Variants in COX7A2L observed in about 807,000 individuals in gnomAD.
COX7A2L encodes cytochrome c oxidase subunit 7A2-like, mitochondrial.
A neutral mutation model predicts 14.2 loss-of-function variants in COX7A2L; 18 were observed. The observed-to-expected ratio is 1.27, with a 90% CI of 0.88 to 1.88. The LOEUF (loss-of-function observed/expected upper bound fraction) is 1.88, where lower values mean the gene tolerates loss of function less well. Ranked by LOEUF, COX7A2L falls within the 40% of genes most tolerant of loss-of-function variation. The probability of loss-of-function intolerance (pLI) is 0.00; values close to 1 mark genes in which losing one functional copy is unlikely to be tolerated. For synonymous variants in COX7A2L, 65 were observed against 57.4 expected (o/e 1.13, Z -0.60); for missense variants, 179 against 138.8 (o/e 1.29, Z -1.46).
chr2:42,343,062 G>C (rs1423681057), intron 2 of COX7A2L, among the ~76,000 whole-genome samples: 3 of 152,256 alleles, frequency 2.0e-5, no homozygotes, highest in South Asian at 2.1e-4. Flanking sequence ...CACTGCTCTC[G>C]TTCACGTCAT....
At chr2:42,354,905 T>G (rs1320190395) in intron 1 of COX7A2L, among the ~76,000 whole-genome samples, 1 of 152,262 alleles carries the variant, frequency 6.6e-6, no homozygotes, top group Non-Finnish European at 1.5e-5. Context: ...ACATTTCACA[T>G]GCATTACTTC....
intron 2 of COX7A2L, among the ~76,000 whole-genome samples, chr2:42,344,234 C>T (rs1473202404): frequency 6.6e-6 from 1 of 152,130 alleles, no homozygotes; most frequent in Non-Finnish European, 1.5e-5. Flanking sequence ...CGGAATGTAA[C>T]CTCCACTGCA....
At chr2:42,354,195 C>T (rs1558632976) in intron 1 of COX7A2L, among the ~76,000 whole-genome samples, 1 of 152,050 alleles carries the variant, frequency 6.6e-6, no homozygotes, top group Non-Finnish European at 1.5e-5. Context: ...TGTGAATACA[C>T]TAAAAAACCC....
In COX7A2L at chr2:42,350,973, A is replaced by C; in HGVS notation, c.*246T>G. ...TGTTCAGCCTTCATCCAGAACCTCC[A>C]GGGAAATCAGGAGCACAAACACAGA... On this transcript the variant is annotated 3_prime_UTR_variant, in exon 3 of 3. Transcript: ENST00000234301. 2.8e-6 allele frequency: 1 copy of C among 355,998 alleles called. No homozygotes were observed. The highest frequency in any genetic ancestry group is 5.1e-6 in the Non-Finnish European group (1 of 197,666). The allele number at this position is 355,998 out of a possible 1,614,324, so 22.1% of individuals were successfully genotyped here. A position where few individuals can be genotyped will look rare whatever the true frequency, so the allele number is the denominator to read the frequency against.
At chr2:42,352,268 A>G (rs1267650790) in intron 2 of COX7A2L, among the ~76,000 whole-genome samples, 2 of 152,132 alleles carry the variant, frequency 1.3e-5, no homozygotes, top group East Asian at 1.9e-4. Flanking sequence ...ATCCTGGGCT[A>G]AAGTGATCCT....
upstream of COX7A2L, chr2:42,361,229 C>A (rs751560935): frequency 2.2e-4 from 323 of 1,453,172 alleles, no homozygotes; most frequent in Non-Finnish European, 2.5e-4. Flanking sequence ...CCCCGCCTCC[C>A]CGGCTGTGGT....
chr2:42,360,783 G>C (rs1308138016), intron 1 of COX7A2L, among the ~76,000 whole-genome samples: 1 of 152,124 alleles, frequency 6.6e-6, no homozygotes, highest in Non-Finnish European at 1.5e-5. Flanking sequence ...CCTCTGACTC[G>C]GGTCACACTG....
chr2:42,363,485 G>C (rs1220293556), upstream of COX7A2L, among the ~76,000 whole-genome samples: 2 of 152,148 alleles, frequency 1.3e-5, no homozygotes, highest in East Asian at 3.9e-4. Flanking sequence ...GTCAACACTG[G>C]TTATTTTCTT....
chr2:42,357,608 G>T (rs1186765679), intron 1 of COX7A2L, among the ~76,000 whole-genome samples: 1 of 151,956 alleles, frequency 6.6e-6, no homozygotes, highest in African/African-American at 2.4e-5. Context: ...CACCGCACCT[G>T]ACCTCTATTT....
chr2:42,353,275 G>A lies in COX7A2L; in HGVS notation c.141C>T (p.Ser47=), dbSNP rs767606983. ...CAGCATAATCATACACTGTGGAATC[G>A]GAGGTCAGTTTAGTTGGTGTGGCAA... The part of the protein sequence containing the change: ...IIFATPTKLT[S]DSTVYDYAGK... Residue 47 remains serine (S), a synonymous_variant, in exon 2 of 3, where the codon TCC becomes TCT. Transcript: ENST00000234301. 8.7e-6 allele frequency: 14 copies of A among 1,614,124 alleles called. No homozygotes were observed. Among genetic ancestry groups the A allele is most frequent in the Middle Eastern group, 1.6e-4 (1 of 6,062 alleles).
chr2:42,353,024 C>T, intron 2 of COX7A2L, 188 bp downstream of exon 2: 1 of 667,102 alleles, frequency 1.5e-6, no homozygotes, highest in Non-Finnish European at 2.5e-6. Flanking sequence ...AACCACCCTC[C>T]CCTCTTTTAT....
Position 42,353,153 on chromosome 2 carries a change from G to A in COX7A2L, c.204+59C>T, listed in dbSNP as rs775230988. The A allele has an allele frequency of 8.9e-6, 14 of 1,578,134 alleles. No individual in the cohort carries two copies. In the South Asian group the frequency reaches 1.3e-4, roughly 14 times the overall value. ...ACTAGATTAAGATTTAGTTTCATAA[G>A]GGATTTTTTAAGCCTATTTATTTCA... On this transcript the variant is annotated intron_variant, in intron 2 of 2. Transcript: ENST00000234301.
At chr2:42,365,532 C>G (rs1467842308), upstream of COX7A2L, 1 of 151,842 alleles carries the variant, frequency 6.6e-6, no homozygotes, top group African/African-American at 2.4e-5. Context: ...GAGGCTGAGT[C>G]AGGAGAATTG....
At chr2:42,335,790 C>A (rs1452618699) in intron 2 of COX7A2L, among the ~76,000 whole-genome samples, 2 of 152,210 alleles carry the variant, frequency 1.3e-5, no homozygotes, top group South Asian at 4.1e-4. Context: ...ATCGGTTAAA[C>A]TTCCAGTAGA....
chr2:42,367,156 A>G (rs1671179748), intron 1 of COX7A2L, among the ~76,000 whole-genome samples: 1 of 152,246 alleles, frequency 6.6e-6, no homozygotes. Context: ...AGAAACTGAA[A>G]GTCATGGCCC....
intron 1 of COX7A2L, among the ~76,000 whole-genome samples, chr2:42,353,741 T>C (rs1374711105): frequency 6.6e-6 from 1 of 152,128 alleles, no homozygotes; most frequent in Non-Finnish European, 1.5e-5. Context: ...AAAGAAATAT[T>C]CAATGTGGAA....
intron 2 of COX7A2L, 161 bp downstream of exon 2, chr2:42,353,051 A>G (rs999585077): frequency 1.0e-4 from 86 of 822,598 alleles, no homozygotes; most frequent in Admixed American, 2.4e-4. Flanking sequence ...CTACCTATAT[A>G]AAGTTCTATT....
intron 2 of COX7A2L, among the ~76,000 whole-genome samples, chr2:42,343,095 C>T (rs917005028): frequency 1.3e-5 from 2 of 152,174 alleles, no homozygotes; most frequent in Non-Finnish European, 2.9e-5. Context: ...CAGCTGCTGC[C>T]GCCCTCCAGG....
At chr2:42,356,022 G>A (rs538203538) in intron 1 of COX7A2L, among the ~76,000 whole-genome samples, 3 of 151,906 alleles carry the variant, frequency 2.0e-5, no homozygotes, top group African/African-American at 7.2e-5. Context: ...CACCACACCC[G>A]GCCCATTCTG....
Sources: allele counts gnomAD v4.1 joint callset (sites outside exome capture counted in the v4.1 genomes callset), GRCh38; gene constraint gnomAD v4.1.1; transcripts MANE v1.5; gene names NCBI Gene and HGNC (gene_info 2026-07-23, HGNC 2026-07-21).